Variants in MEI1 observed in about 807,000 individuals in gnomAD.
The protein encoded by MEI1 is meiotic double-stranded break formation protein 1.
In MEI1, 103 loss-of-function variants were observed where a neutral mutation model predicts 146.2. The ratio of observed to expected loss-of-function variants is 0.70; its 90% CI spans 0.60 to 0.83. The LOEUF (loss-of-function observed/expected upper bound fraction) is 0.83. MEI1 is among the 40% of genes least tolerant of loss of function. The pLI is 0.00. For missense variants in MEI1, 1,529 were observed against 1,533.0 expected (o/e 1.00, Z 0.04); for synonymous variants, 652 against 628.2 (o/e 1.04, Z -0.57).
At position 41,707,978 on chromosome 22, in the gene MEI1, T is replaced by C. The variant is rs2069225715; in HGVS notation, c.349+2424T>C. ...TGTCCAAACACCCTTCTCCACATATTTGAACTCCCATAGAACAAAAACAAC... is the reference window on the plus strand; with the variant it reads ...TGTCCAAACACCCTTCTCCACATATCTGAACTCCCATAGAACAAAAACAAC... On this transcript the variant is annotated intron_variant, in intron 3 of 30. Transcript: ENST00000401548. 4.6e-5 allele frequency among the ~76,000 whole-genome samples: 7 copies of C among 152,208 alleles called. No homozygotes were observed. In the South Asian group the frequency reaches 1.2e-3, roughly 27 times the overall value.
At chr22:41,736,532 C>G (rs191151820) in intron 11 of MEI1, among the ~76,000 whole-genome samples, 10 of 152,174 alleles carry the variant, frequency 6.6e-5, no homozygotes, top group Admixed American at 6.5e-4. Flanking sequence ...GGATTACAGG[C>G]GTGAGCTACC....
intron 5 of MEI1, 64 bp from the exon 6 acceptor site, chr22:41,718,007 G>T: frequency 7.9e-7 from 1 of 1,265,906 alleles, no homozygotes; most frequent in Non-Finnish European, 1.1e-6. Context: ...ATAATAGATT[G>T]GAGTTTCATA....
At chr22:41,750,194 A>G (rs1266332700) in intron 15 of MEI1, among the ~76,000 whole-genome samples, 1 of 152,194 alleles carries the variant, frequency 6.6e-6, no homozygotes, top group Non-Finnish European at 1.5e-5. Flanking sequence ...TTGAGGGTGT[A>G]AAATGAAATG....
rs781083509 is a variant in MEI1 at position 41,723,929 on chromosome 22, C to G, written c.734-14C>G. On this transcript the variant is annotated splice_polypyrimidine_tract_variant and intron_variant, in intron 6 of 30. Coordinates refer to ENST00000401548, the MANE Select transcript of MEI1 (RefSeq NM_152513.4). ...GTTCCTCTTGCCTTACTTCCCAATC[C>G]CTTTGTTTCCTAGGTTTGCTGAGGC... is the stretch of plus-strand genomic sequence containing the variant. 18 of 1,583,454 alleles carry G rather than the reference C, an allele frequency of 1.1e-5. No individual in the cohort carries two copies. The South Asian group carries it at 1.8e-4, about 16-fold the overall frequency.
intron 24 of MEI1, 99 bp from the exon 25 acceptor site, chr22:41,784,240 A>G: frequency 9.9e-7 from 1 of 1,012,570 alleles, no homozygotes; most frequent in Non-Finnish European, 1.5e-6. Flanking sequence ...GATGCAGTGG[A>G]TATGTGGGGG....
At position 41,781,333 on chromosome 22, in the gene MEI1, G is replaced by A; in HGVS notation, c.2865G>A (p.Gln955=). 1 of 1,613,622 alleles carries A rather than the reference G, an allele frequency of 6.2e-7. No individual in the cohort carries two copies. ...GCCCCACTGACGTGGACATCCTGCA[G>A]CCCTCCTTCAACTTCCTGTATTGGA... ...KCSPTDVDIL[Q]PSFNFLYWSL... The change falls in exon 23 of 31, where the codon CAG becomes CAA. Residue 955 remains glutamine, a synonymous_variant. Coordinates refer to ENST00000401548, the MANE Select transcript of MEI1 (RefSeq NM_152513.4).
intron 19 of MEI1, among the ~76,000 whole-genome samples, chr22:41,763,849 A>G (rs1201481260): frequency 1.3e-5 from 2 of 152,132 alleles, no homozygotes; most frequent in African/African-American, 4.8e-5. Flanking sequence ...AAAACTGGTA[A>G]CCACAGGAAA....
At chr22:41,762,524 G>A (rs1412643331) in intron 18 of MEI1, among the ~76,000 whole-genome samples, 2 of 150,240 alleles carry the variant, frequency 1.3e-5, no homozygotes, top group East Asian at 1.9e-4. Flanking sequence ...ATAGGCATGC[G>A]TCTACACAAC....
chr22:41,714,057 G>A lies in MEI1; in HGVS notation c.405G>A (p.Leu135=), dbSNP rs773445494. The part of the protein sequence containing the change: ...LKLEQTIRCL[L]DECHKELCNM... Reference sequence around the variant, plus strand: ...TGGAGCAGACTATCCGTTGCCTGCTGGATGAGTGCCACAAAGAGGTCAGAA... The same window carrying A: ...TGGAGCAGACTATCCGTTGCCTGCTAGATGAGTGCCACAAAGAGGTCAGAA... The change falls in exon 4 of 31, where the codon CTG becomes CTA. Residue 135 remains leucine, a synonymous_variant. Transcript: ENST00000401548. 1.9e-6 allele frequency: 3 copies of A among 1,599,966 alleles called. No individual in the cohort carries two copies. The highest frequency in any genetic ancestry group is 2.6e-6 in the Non-Finnish European group (3 of 1,173,284).
In MEI1 at chr22:41,746,006, C is replaced by A; in HGVS notation, c.1660C>A (p.Leu554Met). 1 of 1,605,938 alleles carries A rather than the reference C, an allele frequency of 6.2e-7. No homozygotes were observed. The highest frequency in any genetic ancestry group is 2.2e-5 in the East Asian group (1 of 44,588). The change falls in exon 14 of 31, where the codon CTG (leucine) becomes ATG (methionine). Residue 554 changes from leucine to methionine, a missense_variant. By Grantham distance (15) the Leu-to-Met change is conservative. This residue lies in a region of MEI1 where 1,212 missense variants were observed against 1,178.9 expected (regional missense o/e 1.03). Transcript: ENST00000401548. ...ATTTCTTCTCAGTGCCTGTGACTCGCTGTGTATCCCCATGGTGATGGTGGG... is the reference window on the plus strand; with the variant it reads ...ATTTCTTCTCAGTGCCTGTGACTCGATGTGTATCCCCATGGTGATGGTGGG... ...SEFLLSACDS[L>M]CIPMVMRHLE...
intron 21 of MEI1, among the ~76,000 whole-genome samples, chr22:41,776,850 G>A (rs1456390902): frequency 1.3e-5 from 2 of 151,910 alleles, no homozygotes; most frequent in Admixed American, 1.3e-4. Flanking sequence ...GTCTCACTCT[G>A]TCACCCACGC....
At chr22:41,793,086 C>G (rs112915650) in intron 26 of MEI1, among the ~76,000 whole-genome samples, 14,251 of 129,794 alleles carry the variant, frequency 0.11, 899 homozygotes, top group South Asian at 0.2. Flanking sequence ...TGCTCTGTTG[C>G]CCAGGCTGGA....
chr22:41,780,071 C>A (rs1340702909), intron 22 of MEI1, among the ~76,000 whole-genome samples: 1 of 152,152 alleles, frequency 6.6e-6, no homozygotes, highest in African/African-American at 2.4e-5. Flanking sequence ...CAGATGGCCT[C>A]AGCCTGGTGC....
intron 3 of MEI1, among the ~76,000 whole-genome samples, chr22:41,707,630 A>G (rs1281328935): frequency 6.6e-6 from 1 of 152,114 alleles, no homozygotes; most frequent in Non-Finnish European, 1.5e-5. Flanking sequence ...GCAACATAGC[A>G]AGACTGTCTC....
rs367897397 is a variant in MEI1 at position 41,709,615 on chromosome 22, CTTT to C, written c.349+4068_349+4070del. The C allele has an allele frequency of 6.4e-4, 247 of 385,418 alleles. 2 individuals are homozygous for C. In the Middle Eastern group the frequency reaches 0.014, roughly 22 times the overall value. The allele number at this position is 385,418 out of a possible 1,614,324, so 23.9% of individuals were successfully genotyped here. A position where few individuals can be genotyped will look rare whatever the true frequency, so the allele number is the denominator to read the frequency against. Reference sequence around the variant, plus strand: ...AGGTCTGAATCTTCAGTGGCTCTTCCTTTTTTTTTGGTTGCTGATGTTTTTCAT... The same window carrying C: ...AGGTCTGAATCTTCAGTGGCTCTTCCTTTTTTGGTTGCTGATGTTTTTCAT... On this transcript the variant is annotated intron_variant, in intron 3 of 30. Coordinates refer to ENST00000401548, the MANE Select transcript of MEI1 (RefSeq NM_152513.4).
chr22:41,763,003 A>G (rs558145933), intron 18 of MEI1, among the ~76,000 whole-genome samples, 171 bp from the exon 19 acceptor site: 11 of 152,314 alleles, frequency 7.2e-5, no homozygotes, highest in Non-Finnish European at 1.5e-5. Context: ...ATGTATATAT[A>G]TGGCAGTGCT....
At chr22:41,773,515 A>C (rs2075290653) in intron 20 of MEI1, among the ~76,000 whole-genome samples, 2 of 151,344 alleles carry the variant, frequency 1.3e-5, no homozygotes, top group Admixed American at 1.3e-4. Context: ...TAGAGCCCAA[A>C]GTGAGTAAGT....
chr22:41,714,582 A>G (rs1332325095), intron 4 of MEI1, among the ~76,000 whole-genome samples: 1 of 152,068 alleles, frequency 6.6e-6, no homozygotes, highest in Non-Finnish European at 1.5e-5. Context: ...AGTCAAAGAA[A>G]TTAGTTAGCC....
intron 11 of MEI1, among the ~76,000 whole-genome samples, chr22:41,740,762 G>T (rs1020473483): frequency 2.7e-4 from 40 of 149,672 alleles, no homozygotes; most frequent in African/African-American, 9.4e-4. Context: ...ACAAACCCAA[G>T]AATTTAAAGG....
Sources: allele counts gnomAD v4.1 joint callset (sites outside exome capture counted in the v4.1 genomes callset), GRCh38; gene constraint gnomAD v4.1.1; regional missense constraint gnomAD v4.1.1; transcripts MANE v1.5; gene names NCBI Gene and HGNC (gene_info 2026-07-23, HGNC 2026-07-21).